RAB33B: variants seen among roughly 807,000 people sequenced by gnomAD.
The protein encoded by RAB33B is ras-related protein Rab-33B.
A neutral mutation model predicts 15.0 loss-of-function variants in RAB33B; 6 were observed. The observed-to-expected ratio is 0.40, with a 90% CI of 0.22 to 0.79. The LOEUF (loss-of-function observed/expected upper bound fraction) is 0.79. RAB33B is among the 30% of genes least tolerant of loss of function. The probability of loss-of-function intolerance (pLI) is 0.37; values close to 1 mark genes in which losing one functional copy is unlikely to be tolerated. For missense variants in RAB33B, 257 were observed against 296.4 expected (o/e 0.87, Z 0.98); for synonymous variants, 117 against 108.3 (o/e 1.08, Z -0.50).
chr4:139,466,736 GC>G (rs1321964894), intron 1 of RAB33B, among the ~76,000 whole-genome samples: 2 of 151,616 alleles, frequency 1.3e-5, no homozygotes, highest in African/African-American at 4.8e-5. Flanking sequence ...ATGCCACCAT[GC>G]CCTGCTAATT....
the RAB33B span, among the ~76,000 whole-genome samples, chr4:139,439,743 C>T: frequency 2.0e-5 from 3 of 152,264 alleles, no homozygotes; most frequent in African/African-American, 7.2e-5. Flanking sequence ...TCCTCAGACT[C>T]AATAATTTCC....
upstream of RAB33B, chr4:139,453,907 G>A (rs963517906): frequency 7.2e-6 from 2 of 278,894 alleles, no homozygotes; most frequent in Middle Eastern, 1.0e-3. Context: ...CTGCCGTGAA[G>A]CCCCCGACAG....
rs1253628618 is a variant in RAB33B, at chr4:139,474,800, C to G, written c.*1674C>G. On this transcript the variant is annotated 3_prime_UTR_variant, in exon 2 of 2. Coordinates refer to ENST00000305626, the MANE Select transcript of RAB33B (RefSeq NM_031296.3). ...TACGTAAATGGAATGTAAGCCATGACTTTAACTGAAGTGTTCACATTCACT... is the reference window on the plus strand; with the variant it reads ...TACGTAAATGGAATGTAAGCCATGAGTTTAACTGAAGTGTTCACATTCACT... 6.6e-6 allele frequency: 1 copy of G among 152,578 alleles called. No individual in the cohort carries two copies. The highest frequency in any genetic ancestry group is 1.5e-5 in the Non-Finnish European group (1 of 68,002). 9.5% of individuals were successfully genotyped at this position (152,578 alleles called of 1,614,324 possible). A position where few individuals can be genotyped will look rare whatever the true frequency, so the allele number is the denominator to read the frequency against.
the RAB33B span, among the ~76,000 whole-genome samples, chr4:139,443,275 A>G: frequency 6.6e-6 from 1 of 152,146 alleles, no homozygotes; most frequent in Non-Finnish European, 1.5e-5. Flanking sequence ...TACAGGCTTG[A>G]GCCACCGCGC....
At chr4:139,445,892 C>A in the RAB33B span, among the ~76,000 whole-genome samples, 1 of 152,222 alleles carries the variant, frequency 6.6e-6, no homozygotes, top group Non-Finnish European at 1.5e-5. Flanking sequence ...AAGGCCCTGA[C>A]ATCTTCTGCA....
intron 1 of RAB33B, among the ~76,000 whole-genome samples, chr4:139,471,615 C>T (rs909853217): frequency 1.3e-5 from 2 of 151,162 alleles, no homozygotes; most frequent in South Asian, 2.1e-4. Flanking sequence ...TTCTATTCTG[C>T]CATCTTGCTC....
At chr4:139,444,131 AAC>A in the RAB33B span, among the ~76,000 whole-genome samples, 2 of 152,210 alleles carry the variant, frequency 1.3e-5, no homozygotes, top group East Asian at 1.9e-4. Flanking sequence ...TGGTGGAAGG[AAC>A]ACAGAGTTGG....
At chr4:139,445,080 C>T in the RAB33B span, among the ~76,000 whole-genome samples, 1 of 152,178 alleles carries the variant, frequency 6.6e-6, no homozygotes, top group Admixed American at 6.5e-5. Context: ...TAAGCTTAAC[C>T]AAGTGGTGAC....
At position 139,473,141 on chromosome 4, in the gene RAB33B, T is replaced by C. The variant is rs1431570705; in HGVS notation, c.*15T>C. On this transcript the variant is annotated 3_prime_UTR_variant, in exon 2 of 2. Transcript: ENST00000305626. ...GCTGGTGCTAAATAACAGTCTTTAT[T>C]ATATTATCTAATTTTGACTAAAGAA... 1 of 1,555,982 alleles carries C rather than the reference T, an allele frequency of 6.4e-7. No homozygotes were observed. The highest frequency in any genetic ancestry group is 8.7e-7 in the Non-Finnish European group (1 of 1,153,490).
At chr4:139,449,360 C>A, upstream of RAB33B, 1 of 152,098 alleles carries the variant, frequency 6.6e-6, no homozygotes, top group East Asian at 1.9e-4. Context: ...TTTAAGTTGA[C>A]AAGTGGTGGA....
chr4:139,464,101 C>G (rs985072529), intron 1 of RAB33B, among the ~76,000 whole-genome samples: 3 of 149,372 alleles, frequency 2.0e-5, no homozygotes, highest in Non-Finnish European at 4.4e-5. Flanking sequence ...AGTGTGACCA[C>G]CCCCCCACTG....
At chr4:139,472,003 A>G (rs933274323) in intron 1 of RAB33B, among the ~76,000 whole-genome samples, 1 of 152,158 alleles carries the variant, frequency 6.6e-6, no homozygotes, top group Non-Finnish European at 1.5e-5. Context: ...GTTAAAAATC[A>G]GTTGACCATA....
intron 1 of RAB33B, among the ~76,000 whole-genome samples, 190 bp from the exon 2 acceptor site, chr4:139,472,496 A>AT (rs887390216): frequency 5.3e-5 from 8 of 152,214 alleles, no homozygotes; most frequent in Admixed American, 2.0e-4. Context: ...TTGTATTATA[A>AT]TTTAATTGTG....
At chr4:139,467,014 A>T (rs1322571507) in intron 1 of RAB33B, among the ~76,000 whole-genome samples, 2 of 121,194 alleles carry the variant, frequency 1.7e-5, no homozygotes, top group African/African-American at 6.3e-5. Context: ...TGTCACCCAG[A>T]CTAGAGTGCA....
At chr4:139,467,754 T>C (rs925985432) in intron 1 of RAB33B, among the ~76,000 whole-genome samples, 31 of 151,770 alleles carry the variant, frequency 2.0e-4, no homozygotes, top group African/African-American at 7.2e-4. Flanking sequence ...GCTACTCAGG[T>C]GGCTGAGGCA....
chr4:139,446,567 G>T, the RAB33B span, among the ~76,000 whole-genome samples: 2 of 152,244 alleles, frequency 1.3e-5, no homozygotes, highest in Non-Finnish European at 2.9e-5. Flanking sequence ...ATATGTGGAT[G>T]TATCTCTCTG....
chr4:139,464,390 T>TTG (rs1750236682), intron 1 of RAB33B, among the ~76,000 whole-genome samples: 3 of 78,364 alleles, frequency 3.8e-5, no homozygotes, highest in Admixed American at 3.3e-4. Flanking sequence ...AATACTGTTT[T>TTG]TTTTTTTTTT....
At position 139,473,195 on chromosome 4, in the gene RAB33B, C is replaced by A; in HGVS notation, c.*69C>A. The stretch of plus-strand genomic sequence containing the variant: ...CTTTTGAAGTATGACAGTATTAAGT[C>A]ATAAGATTTAATCTCAACTATAATG... On this transcript the variant is annotated 3_prime_UTR_variant, in exon 2 of 2. Transcript: ENST00000305626. 2 of 1,344,054 alleles carry A rather than the reference C, an allele frequency of 1.5e-6. No homozygotes were observed. Among genetic ancestry groups the A allele is most frequent in the Non-Finnish European group, 2.0e-6 (2 of 992,468 alleles). 83.3% of individuals were successfully genotyped at this position (1,344,054 alleles called of 1,614,324 possible).
chr4:139,469,234 C>T (rs1482523206), intron 1 of RAB33B, among the ~76,000 whole-genome samples: 9 of 152,152 alleles, frequency 5.9e-5, no homozygotes, highest in South Asian at 2.1e-4. Flanking sequence ...ATCCTGTAGG[C>T]GTGCTCCCTT....
Sources: gnomAD v4.1 joint callset for allele counts (sites outside exome capture counted in the v4.1 genomes callset) on GRCh38, gnomAD v4.1.1 for gene constraint, MANE v1.5 for transcripts, NCBI Gene and HGNC (gene_info 2026-07-23, HGNC 2026-07-21) for gene names.